Variants in TMCC3 observed in about 807,000 individuals in gnomAD.
TMCC3 encodes transmembrane and coiled-coil domain protein 3.
Under a neutral mutation model 40.2 loss-of-function variants are expected in TMCC3, and 28 were observed. The observed-to-expected ratio is 0.70, with a 90% CI of 0.52 to 0.95. The LOEUF is 0.95. Among genes scored for constraint, TMCC3 ranks in the 40% least tolerant of loss-of-function variants. The pLI is 0.00. For synonymous variants in TMCC3, 255 were observed against 248.5 expected, an observed-to-expected ratio of 1.03 and a Z score of -0.25; for missense variants, 554 against 615.2, an observed-to-expected ratio of 0.90 and a Z score of 1.05.
intron 1 of TMCC3, among the ~76,000 whole-genome samples, chr12:94,635,016 T>C (rs2068952725): frequency 6.6e-6 from 1 of 152,368 alleles, no homozygotes; most frequent in Middle Eastern, 3.4e-3. Flanking sequence ...TTTAACCTCC[T>C]TCTGTGTCAG....
At chr12:94,621,020 C>T (rs2068873276) in intron 1 of TMCC3, among the ~76,000 whole-genome samples, 1 of 152,170 alleles carries the variant, frequency 6.6e-6, no homozygotes, top group African/African-American at 2.4e-5. Context: ...AAGATTGATG[C>T]CCAGGCCCTA....
At chr12:94,597,119 A>AT (rs2138844785) in intron 1 of TMCC3, among the ~76,000 whole-genome samples, 1 of 16,264 alleles carries the variant, frequency 6.1e-5, no homozygotes, top group Admixed American at 8.3e-4. Flanking sequence ...GTCTCTATTA[A>AT]AATACATATA....
chr12:94,607,593 A>T (rs1462524065), intron 1 of TMCC3, among the ~76,000 whole-genome samples: 2 of 152,266 alleles, frequency 1.3e-5, no homozygotes, highest in African/African-American at 4.8e-5. Context: ...CCCGCAACAG[A>T]TGGGGTTTCA....
intron 1 of TMCC3, among the ~76,000 whole-genome samples, chr12:94,586,276 C>T (rs1308686711): frequency 3.9e-5 from 6 of 152,180 alleles, no homozygotes; most frequent in Admixed American, 2.0e-4. Context: ...AATAAGTACT[C>T]GATGAATTTT....
In TMCC3 at chr12:94,625,013, A is replaced by C. The variant is rs1053624441; in HGVS notation, c.78+25340T>G. 8.0e-5 allele frequency among the ~76,000 whole-genome samples: 12 copies of C among 150,444 alleles called. No individual in the cohort carries two copies. The East Asian group carries it at 1.8e-3, about 22-fold the overall frequency. Reference sequence around the variant, plus strand: ...AAAAATTAGCTGGGTGTGGTGACACACCCCTCCCTCCTTGCCTACTGGGGA... The same window carrying C: ...AAAAATTAGCTGGGTGTGGTGACACCCCCCTCCCTCCTTGCCTACTGGGGA... On this transcript the variant is annotated intron_variant, in intron 1 of 3. Coordinates refer to ENST00000261226, the MANE Select transcript of TMCC3 (RefSeq NM_020698.4).
intron 1 of TMCC3, among the ~76,000 whole-genome samples, chr12:94,625,058 C>T (rs57236066): frequency 2.3e-3 from 339 of 150,422 alleles, no homozygotes; most frequent in African/African-American, 8.0e-3. Flanking sequence ...AGGAGAATCG[C>T]TTGAATCCGG....
intron 1 of TMCC3, among the ~76,000 whole-genome samples, chr12:94,609,529 C>T (rs1353193314): frequency 1.3e-5 from 2 of 152,126 alleles, no homozygotes; most frequent in Non-Finnish European, 2.9e-5. Context: ...TTTTGCAGCC[C>T]CAGAGCCTCA....
intron 1 of TMCC3, among the ~76,000 whole-genome samples, chr12:94,633,106 A>T (rs2138877938): frequency 6.6e-6 from 1 of 151,256 alleles, no homozygotes; most frequent in South Asian, 2.1e-4. Context: ...ACTGTCTCAA[A>T]AAAGAAAAGA....
At chr12:94,604,092 A>T (rs1246172495) in intron 1 of TMCC3, among the ~76,000 whole-genome samples, 1 of 152,244 alleles carries the variant, frequency 6.6e-6, no homozygotes, top group Non-Finnish European at 1.5e-5. Flanking sequence ...CTAGCAAGGC[A>T]TTAATATCTG....
chr12:94,583,106 G>C (rs1176338978), intron 1 of TMCC3, among the ~76,000 whole-genome samples: 1 of 148,364 alleles, frequency 6.7e-6, no homozygotes, highest in East Asian at 2.0e-4. Context: ...GAATAATATG[G>C]TACAAGATTA....
At chr12:94,599,304 A>G (rs2068737125) in intron 1 of TMCC3, among the ~76,000 whole-genome samples, 1 of 152,150 alleles carries the variant, frequency 6.6e-6, no homozygotes, top group Non-Finnish European at 1.5e-5. Flanking sequence ...TGGGTTCTTC[A>G]GAAGACTCCA....
intron 3 of TMCC3, 117 bp from the exon 4 acceptor site, chr12:94,571,854 G>A (rs1352018088): frequency 1.2e-5 from 12 of 982,458 alleles, no homozygotes; most frequent in African/African-American, 3.2e-5. Flanking sequence ...CCAGGCGGCT[G>A]CAAATCCCCA....
intron 1 of TMCC3, among the ~76,000 whole-genome samples, chr12:94,589,747 G>A (rs1216383695): frequency 6.6e-6 from 1 of 152,160 alleles, no homozygotes; most frequent in African/African-American, 2.4e-5. Flanking sequence ...CTGTGCTAAA[G>A]ATTTTTTAAT....
chr12:94,587,085 A>G (rs1416301797), intron 1 of TMCC3, among the ~76,000 whole-genome samples: 2 of 152,242 alleles, frequency 1.3e-5, no homozygotes, highest in Non-Finnish European at 2.9e-5. Context: ...GCGTGCTAAA[A>G]GAAAGCTGCC....
In TMCC3 at chr12:94,597,164, T is replaced by TATATATAA. The variant is rs1488070684; in HGVS notation, c.79-14627_79-14626insTTATATAT. ...ATATATATATATATATATATGTATATAAATTAGCCAGGCCTGCTGGCGTGC... is the reference window on the plus strand; with the variant it reads ...ATATATATATATATATATATGTATATATATATAAAAATTAGCCAGGCCTGCTGGCGTGC... On this transcript the variant is annotated intron_variant, in intron 1 of 3. Transcript: ENST00000261226. 8.8e-5 allele frequency among the ~76,000 whole-genome samples: 8 copies of TATATATAA among 90,462 alleles called. No individual in the cohort carries two copies. In the East Asian group the frequency reaches 1.8e-3, roughly 20 times the overall value. 59.3% of individuals were successfully genotyped at this position (90,462 alleles called of 152,430 possible). A position where few individuals can be genotyped will look rare whatever the true frequency, so the allele number is the denominator to read the frequency against.
At chr12:94,620,086 C>T (rs1482001297) in intron 1 of TMCC3, among the ~76,000 whole-genome samples, 3 of 151,786 alleles carry the variant, frequency 2.0e-5, no homozygotes, top group Non-Finnish European at 4.4e-5. Context: ...TCGCTTGAAC[C>T]CGGAAGGCGG....
At position 94,650,439 on chromosome 12, in the gene TMCC3, T is replaced by A; in HGVS notation, c.-9A>T. 1 of 1,286,306 alleles carries A rather than the reference T, an allele frequency of 7.8e-7. No homozygotes were observed. The highest frequency in any genetic ancestry group is 2.2e-5 in the South Asian group (1 of 44,938). The allele number at this position is 1,286,306 out of a possible 1,614,324, so 79.7% of individuals were successfully genotyped here. A position where few individuals can be genotyped will look rare whatever the true frequency, so the allele number is the denominator to read the frequency against. On this transcript the variant is annotated 5_prime_UTR_variant, in exon 1 of 4. Transcript: ENST00000261226. The stretch of plus-strand genomic sequence containing the variant: ...GTGTCGCTGCCCGGCATCTCCGCGC[T>A]CCGGCCGCGAACTTTCCCGTCTTCT...
intron 1 of TMCC3, among the ~76,000 whole-genome samples, chr12:94,595,657 T>C (rs1213808935): frequency 6.6e-6 from 1 of 152,234 alleles, no homozygotes; most frequent in African/African-American, 2.4e-5. Flanking sequence ...TACTACTAGC[T>C]ATCAGACAGG....
intron 1 of TMCC3, among the ~76,000 whole-genome samples, chr12:94,646,546 C>G (rs189491505): frequency 7.0e-6 from 1 of 143,582 alleles, no homozygotes; most frequent in Admixed American, 7.3e-5. Flanking sequence ...TCAAGAGATT[C>G]TCCTGCCTCA....
Sources: allele counts gnomAD v4.1 joint callset (sites outside exome capture counted in the v4.1 genomes callset), GRCh38; gene constraint gnomAD v4.1.1; transcripts MANE v1.5; gene names NCBI Gene and HGNC (gene_info 2026-07-23, HGNC 2026-07-21).